The following INPP5A variants were observed in gnomAD, a reference collection of about 807,000 sequenced individuals.
INPP5A encodes 43 kDa inositol polyphosphate 5-phophatase.
A neutral mutation model predicts 65.2 loss-of-function variants in INPP5A; 14 were observed. The ratio of observed to expected loss-of-function variants is 0.21; its 90% CI spans 0.14 to 0.34. The LOEUF (loss-of-function observed/expected upper bound fraction) is 0.34, where lower values mean the gene tolerates loss of function less well. Ranked by LOEUF, INPP5A falls within the 10% of genes least tolerant of loss-of-function variation. The pLI is 1.00. For missense variants in INPP5A, 431 were observed against 545.6 expected, an observed-to-expected ratio of 0.79 and a Z score of 2.09; for synonymous variants, 207 against 208.3, an observed-to-expected ratio of 0.99 and a Z score of 0.05.
At chr10:132,779,586 T>C (rs1847123526) in intron 13 of INPP5A, among the ~76,000 whole-genome samples, 2 of 152,246 alleles carry the variant, frequency 1.3e-5, no homozygotes, top group Admixed American at 6.5e-5. Flanking sequence ...GATCCGGGAC[T>C]TGACACTTTA....
intron 12 of INPP5A, 30 bp from the exon 13 acceptor site, chr10:132,777,641 G>A (rs552062277): frequency 6.2e-6 from 10 of 1,603,406 alleles, no homozygotes; most frequent in East Asian, 2.2e-5. Context: ...CGAGCCGGCC[G>A]GCTGACCCTC....
intron 8 of INPP5A, among the ~76,000 whole-genome samples, chr10:132,714,000 G>A (rs532779494): frequency 4.6e-5 from 7 of 152,266 alleles, no homozygotes; most frequent in Non-Finnish European, 7.4e-5. Flanking sequence ...CTTCCTGCCT[G>A]ATCAGCCCTC....
chr10:132,579,409 G>A (rs1007678849), intron 1 of INPP5A, among the ~76,000 whole-genome samples: 15 of 152,164 alleles, frequency 9.9e-5, no homozygotes, highest in African/African-American at 3.6e-4. Context: ...GAAAGCAGCT[G>A]CACCGGTGGC....
At chr10:132,750,194 C>T (rs1846450030) in intron 11 of INPP5A, among the ~76,000 whole-genome samples, 1 of 152,244 alleles carries the variant, frequency 6.6e-6, no homozygotes, top group South Asian at 2.1e-4. Context: ...GGGCCTCACT[C>T]TGAAGTGGGA....
chr10:132,668,251 G>T (rs1367753354), intron 4 of INPP5A, among the ~76,000 whole-genome samples: 1 of 152,140 alleles, frequency 6.6e-6, no homozygotes, highest in Non-Finnish European at 1.5e-5. Flanking sequence ...TTTCTTAGGT[G>T]AAATGACACG....
intron 2 of INPP5A, among the ~76,000 whole-genome samples, chr10:132,615,421 C>T (rs1347627166): frequency 6.6e-6 from 1 of 152,236 alleles, no homozygotes; most frequent in African/African-American, 2.4e-5. Flanking sequence ...CTTTTCTGGC[C>T]CACCGAGTTT....
rs1306292877 is a variant in INPP5A at position 132,675,135 on chromosome 10, T to G, written c.307-15257T>G. Among the ~76,000 whole-genome samples, 2 of 152,154 alleles carry G rather than the reference T, an allele frequency of 1.3e-5. No homozygotes were observed. Among genetic ancestry groups the G allele is most frequent in the African/African-American group, 4.8e-5 (2 of 41,446 alleles). ...GCAGCATCAAAAAAATAAAAACTCA[T>G]ACCCAGTCAGATTATAACAAATCAA... On this transcript the variant is annotated intron_variant, in intron 4 of 15. Coordinates refer to ENST00000368594, the MANE Select transcript of INPP5A (RefSeq NM_005539.5). This position sits in a 1 kb window ranked among gnomAD's most constrained non-coding sequence, Gnocchi z 4.2.
chr10:132,782,308 G>A lies in INPP5A; in HGVS notation c.*279G>A. 3 of 363,180 alleles carry A rather than the reference G, an allele frequency of 8.3e-6. No homozygotes were observed. The highest frequency in any genetic ancestry group is 4.3e-5 in the South Asian group (2 of 46,694). 22.5% of individuals were successfully genotyped at this position (363,180 alleles called of 1,614,324 possible). On this transcript the variant is annotated 3_prime_UTR_variant, in exon 16 of 16. Transcript: ENST00000368594. This position sits in a 1 kb window ranked among gnomAD's most constrained non-coding sequence, Gnocchi z 4.4. ...CCTGTTGTCAAAACTCTAATAGACA[G>A]CAAAGAGGGTCTGTACCGTAGACTT...
chr10:132,552,190 C>G (rs2071061461), intron 1 of INPP5A, among the ~76,000 whole-genome samples: 1 of 146,044 alleles, frequency 6.8e-6, no homozygotes, highest in Admixed American at 6.8e-5. Context: ...TGAATGCCTT[C>G]TCAGAGCCTT....
intron 2 of INPP5A, among the ~76,000 whole-genome samples, chr10:132,618,553 G>A (rs189874642): frequency 2.0e-4 from 30 of 152,340 alleles, no homozygotes; most frequent in African/African-American, 7.2e-4. Context: ...GATAGGCAGT[G>A]TCTGTTTCCA....
chr10:132,736,102 A>G (rs1846171100), intron 9 of INPP5A, among the ~76,000 whole-genome samples: 1 of 152,244 alleles, frequency 6.6e-6, no homozygotes, highest in South Asian at 2.1e-4. Context: ...CTGTAATTAC[A>G]ACCCACCACA....
intron 9 of INPP5A, among the ~76,000 whole-genome samples, chr10:132,738,109 C>A (rs1312733151): frequency 6.6e-6 from 1 of 152,190 alleles, no homozygotes; most frequent in Non-Finnish European, 1.5e-5. Flanking sequence ...ATTCATAATC[C>A]GTAGTGTGTT....
At chr10:132,733,041 AG>A (rs940458760) in intron 9 of INPP5A, among the ~76,000 whole-genome samples, 1 of 152,148 alleles carries the variant, frequency 6.6e-6, no homozygotes, top group Non-Finnish European at 1.5e-5. Flanking sequence ...TGGAGGCTCC[AG>A]GGGGGACCCC....
intron 2 of INPP5A, among the ~76,000 whole-genome samples, chr10:132,645,484 G>T (rs1351548938): frequency 6.6e-6 from 1 of 152,232 alleles, no homozygotes; most frequent in East Asian, 1.9e-4. Context: ...GTTGTGCCTG[G>T]GTGTTGCTAA....
chr10:132,750,962 G>C (rs1024376644), intron 11 of INPP5A, among the ~76,000 whole-genome samples: 2 of 152,216 alleles, frequency 1.3e-5, no homozygotes, highest in Non-Finnish European at 2.9e-5. Context: ...GTTTCCCCTC[G>C]TGGGGTTTGG....
At chr10:132,690,337 T>C in intron 4 of INPP5A, 55 bp from the exon 5 acceptor site, 1 of 1,120,158 alleles carries the variant, frequency 8.9e-7, no homozygotes, top group South Asian at 1.3e-5. Context: ...AAAAATGATC[T>C]TTAGAAATAT....
intron 11 of INPP5A, among the ~76,000 whole-genome samples, chr10:132,755,219 G>C (rs548497872): frequency 1.6e-4 from 25 of 152,092 alleles, no homozygotes; most frequent in African/African-American, 5.8e-4. Flanking sequence ...GTGTGTGCAT[G>C]TGTGAGCAGG....
chr10:132,629,093 G>T lies in INPP5A; in HGVS notation c.118-16775G>T, dbSNP rs1264406148. ...TGCCCCTTCCTTGCTTACAGCTGAA[G>T]CAGCACCTGGCATTCCCATTCTTGG... On this transcript the variant is annotated intron_variant, in intron 2 of 15. Transcript: ENST00000368594. Among the ~76,000 whole-genome samples the T allele has an allele frequency of 3.3e-5, 5 of 152,206 alleles. No individual in the cohort carries two copies. The East Asian group carries it at 9.6e-4, about 29-fold the overall frequency.
At chr10:132,677,041 CACCATCACCCA>C (rs1238079142) in intron 4 of INPP5A, among the ~76,000 whole-genome samples, 13 of 80,180 alleles carry the variant, frequency 1.6e-4, no homozygotes, top group Non-Finnish European at 8.2e-5. Context: ...TGGTGACCCC[CACCATCACCCA>C]GGCACCTGTC....
Sources: gnomAD v4.1 joint callset for allele counts (sites outside exome capture counted in the v4.1 genomes callset) on GRCh38, gnomAD v4.1.1 for gene constraint, Gnocchi (gnomAD v3.1) non-coding constraint, MANE v1.5 for transcripts, NCBI Gene and HGNC (gene_info 2026-07-23, HGNC 2026-07-21) for gene names.